GRM7: variants seen among roughly 807,000 people sequenced by gnomAD.
GRM7 encodes glutamate metabotropic receptor 7, also known as metabotropic glutamate receptor 7.
Under a neutral mutation model 84.5 loss-of-function variants are expected in GRM7, and 35 were observed. The ratio of observed to expected loss-of-function variants is 0.41; its 90% CI spans 0.32 to 0.55. GRM7 has a LOEUF of 0.55. Ranked by LOEUF, GRM7 falls within the 20% of genes least tolerant of loss-of-function variation. The pLI, the probability that GRM7 is intolerant of heterozygous loss-of-function variation, is 0.19. For synonymous variants in GRM7, 487 were observed against 455.1 expected, an observed-to-expected ratio of 1.07 and a Z score of -0.89; for missense variants, 1,003 against 1,194.6, an observed-to-expected ratio of 0.84 and a Z score of 2.36.
chr3:7,154,634 T>C (rs1164126452), intron 2 of GRM7, among the ~76,000 whole-genome samples: 2 of 151,152 alleles, frequency 1.3e-5, no homozygotes, highest in Non-Finnish European at 3.0e-5. Flanking sequence ...TAAGGAAACA[T>C]AGCTCATCTT....
chr3:6,955,065 C>T (rs946632428), intron 1 of GRM7, among the ~76,000 whole-genome samples: 5 of 152,098 alleles, frequency 3.3e-5, no homozygotes, highest in African/African-American at 4.8e-5. Context: ...ATCTTAATTG[C>T]GTGTAAAAAT....
intron 4 of GRM7, among the ~76,000 whole-genome samples, chr3:7,367,200 G>C (rs1693931772): frequency 6.7e-6 from 1 of 148,406 alleles, no homozygotes; most frequent in Non-Finnish European, 1.5e-5. Flanking sequence ...AATTTTGTTA[G>C]AGAAGGATCA....
intron 1 of GRM7, among the ~76,000 whole-genome samples, chr3:7,078,966 G>T (rs1030978273): frequency 6.6e-6 from 1 of 151,584 alleles, no homozygotes; most frequent in African/African-American, 2.4e-5. Context: ...TATCGTTTTT[G>T]AGAAAATTTT....
At chr3:7,361,001 A>G (rs9879938) in intron 4 of GRM7, among the ~76,000 whole-genome samples, 30 of 151,404 alleles carry the variant, frequency 2.0e-4, no homozygotes, top group African/African-American at 4.6e-4. Flanking sequence ...GTGGCTCTTG[A>G]ACTGATGCCT....
intron 7 of GRM7, among the ~76,000 whole-genome samples, chr3:7,463,375 T>A (rs1198431758): frequency 6.6e-6 from 1 of 152,238 alleles, no homozygotes; most frequent in African/African-American, 2.4e-5. Flanking sequence ...TTTATTTGTT[T>A]GGTTTGTATT....
At chr3:6,949,302 C>T (rs1263711257) in intron 1 of GRM7, among the ~76,000 whole-genome samples, 2 of 152,098 alleles carry the variant, frequency 1.3e-5, no homozygotes, top group East Asian at 1.9e-4. Context: ...TTTTATTTTT[C>T]CTTCATTTAT....
chr3:7,234,889 C>G (rs933378379), intron 2 of GRM7, among the ~76,000 whole-genome samples: 1 of 152,112 alleles, frequency 6.6e-6, no homozygotes, highest in Non-Finnish European at 1.5e-5. Flanking sequence ...TCAAAAAGTC[C>G]TTCATTAAAC....
chr3:6,927,183 T>G (rs569361789), intron 1 of GRM7, among the ~76,000 whole-genome samples: 1 of 152,138 alleles, frequency 6.6e-6, no homozygotes, highest in Non-Finnish European at 1.5e-5. Context: ...ATCCCAGCAC[T>G]TTGGGAGGCT....
intron 7 of GRM7, among the ~76,000 whole-genome samples, chr3:7,462,303 C>G (rs1173073992): frequency 6.6e-6 from 1 of 152,166 alleles, no homozygotes; most frequent in Non-Finnish European, 1.5e-5. Context: ...CTCTCTTAGC[C>G]TTTTTGTTCT....
At chr3:7,199,211 T>C (rs1283025625) in intron 2 of GRM7, among the ~76,000 whole-genome samples, 2 of 152,162 alleles carry the variant, frequency 1.3e-5, no homozygotes, top group Admixed American at 6.5e-5. Context: ...CTCTGCTTTC[T>C]CTCTTGGGAA....
At chr3:7,266,493 A>C (rs1411301350) in intron 2 of GRM7, among the ~76,000 whole-genome samples, 2 of 152,212 alleles carry the variant, frequency 1.3e-5, no homozygotes, top group Non-Finnish European at 2.9e-5. Context: ...GTGTGACCAG[A>C]GTTGTACCCA....
chr3:7,286,377 C>T (rs1206534660), intron 2 of GRM7, among the ~76,000 whole-genome samples: 1 of 152,150 alleles, frequency 6.6e-6, no homozygotes, highest in Admixed American at 6.6e-5. Context: ...ATGATATCCA[C>T]AAATATTCAC....
intron 1 of GRM7, among the ~76,000 whole-genome samples, chr3:7,075,388 T>C (rs1393567556): frequency 6.6e-6 from 1 of 152,104 alleles, no homozygotes. Context: ...CTTTCTTCCT[T>C]CTCTATAACT....
intron 2 of GRM7, among the ~76,000 whole-genome samples, chr3:7,223,474 C>T (rs1038276452): frequency 4.0e-5 from 6 of 151,788 alleles, no homozygotes; most frequent in Non-Finnish European, 7.4e-5. Flanking sequence ...TGGAAATCAC[C>T]AGGCATAATT....
chr3:6,968,735 G>T (rs996774602), intron 1 of GRM7, among the ~76,000 whole-genome samples: 43 of 152,042 alleles, frequency 2.8e-4, no homozygotes, highest in Non-Finnish European at 7.4e-5. Context: ...TTATTGCAGG[G>T]TCAAGAAGTA....
intron 9 of GRM7, among the ~76,000 whole-genome samples, chr3:7,720,945 T>C (rs997819593): frequency 6.6e-6 from 1 of 152,192 alleles, no homozygotes; most frequent in Non-Finnish European, 1.5e-5. Flanking sequence ...TAGCCTCAGA[T>C]CTACTTTGGT....
chr3:6,990,552 C>T (rs535052922), intron 1 of GRM7, among the ~76,000 whole-genome samples: 5 of 152,148 alleles, frequency 3.3e-5, no homozygotes, highest in East Asian at 3.9e-4. Context: ...GTTTCATGGA[C>T]GGGGGCTGAG....
intron 4 of GRM7, among the ~76,000 whole-genome samples, chr3:7,310,662 C>T (rs1296069813): frequency 6.6e-6 from 1 of 152,210 alleles, no homozygotes; most frequent in African/African-American, 2.4e-5. Flanking sequence ...TGAGATACTG[C>T]ATGATAAACC....
chr3:7,456,127 A>G (rs1697998659), intron 6 of GRM7, among the ~76,000 whole-genome samples: 1 of 152,114 alleles, frequency 6.6e-6, no homozygotes, highest in Non-Finnish European at 1.5e-5. Flanking sequence ...TTTTTCAAGC[A>G]TCATATTTCA....
Sources: gnomAD v4.1 joint callset for allele counts (sites outside exome capture counted in the v4.1 genomes callset) on GRCh38, gnomAD v4.1.1 for gene constraint, MANE v1.5 for transcripts, NCBI Gene and HGNC (gene_info 2026-07-23, HGNC 2026-07-21) for gene names.